PGLS: variants seen among roughly 807,000 people sequenced by gnomAD.
PGLS encodes epididymis secretory protein Li 304.
PGLS carries 21 observed loss-of-function variants against 23.2 expected under a neutral mutation model. That is an observed-to-expected ratio of 0.91 (90% CI 0.64 to 1.31). PGLS has a LOEUF of 1.31. Ranked by LOEUF, PGLS falls within the 50% of genes most tolerant of loss-of-function variation. PGLS has a pLI of 0.00. For missense variants in PGLS, 410 were observed against 354.0 expected (o/e 1.16, Z -1.27); for synonymous variants, 179 against 165.4 (o/e 1.08, Z -0.63).
chr19:17,520,731 A>T (rs1254968542), intron 4 of PGLS, among the ~76,000 whole-genome samples: 1 of 152,028 alleles, frequency 6.6e-6, no homozygotes, highest in Non-Finnish European at 1.5e-5. Context: ...ACTCCATCTC[A>T]AAATAAATAA....
At chr19:17,512,624 T>G (rs976365128) in intron 1 of PGLS, 3 of 152,246 alleles carry the variant, frequency 2.0e-5, no homozygotes, top group Non-Finnish European at 2.9e-5. Flanking sequence ...TGTTCATCTT[T>G]GGCTTTGAGC....
At position 17,516,196 on chromosome 19, in the gene PGLS, G is replaced by C. The variant is rs762776860; in HGVS notation, c.312G>C (p.Pro104=). ...AGACGCATCTTCTCTCCAGACTGCC[G>C]ATCCCAGAAAGCCAGGTGATCACCA... ...LYRTHLLSRL[P]IPESQVITIN... The change falls in exon 2 of 5, where the codon CCG becomes CCC. Residue 104 remains proline, a synonymous_variant. Coordinates refer to ENST00000252603, the MANE Select transcript of PGLS (RefSeq NM_012088.3). 6.2e-7 allele frequency: 1 copy of C among 1,613,964 alleles called. No homozygotes were observed. The highest frequency in any genetic ancestry group is 1.7e-4 in the Middle Eastern group (1 of 6,060).
chr19:17,519,299 A>G (rs1023007978), intron 4 of PGLS, among the ~76,000 whole-genome samples: 2 of 139,046 alleles, frequency 1.4e-5, no homozygotes, highest in African/African-American at 5.7e-5. Context: ...GGGCGACAAG[A>G]ACGAAACTCA....
intron 1 of PGLS, chr19:17,512,345 C>T: frequency 3.8e-6 from 1 of 265,000 alleles, no homozygotes; most frequent in Non-Finnish European, 7.3e-6. Context: ...GCGCCCTCTG[C>T]CTTTATCTAG....
In PGLS at chr19:17,511,768, C is replaced by A; in HGVS notation, c.96C>A (p.Cys32Ter). The A allele has an allele frequency of 6.7e-7, 1 of 1,498,738 alleles. No individual in the cohort carries two copies. Among genetic ancestry groups the A allele is most frequent in the South Asian group, 1.2e-5 (1 of 80,168 alleles). The allele number at this position is 1,498,738 out of a possible 1,614,324, so 92.8% of individuals were successfully genotyped here. A position where few individuals can be genotyped will look rare whatever the true frequency, so the allele number is the denominator to read the frequency against. The change falls in exon 1 of 5, where the codon TGC becomes TGA. Residue 32 changes from cysteine to a stop codon, truncating the protein, a stop_gained. Coordinates refer to ENST00000252603, the MANE Select transcript of PGLS (RefSeq NM_012088.3). LOFTEE classifies it high-confidence loss of function. ...LAQLVAQRAA[C>*]CLAGARARFA... is the part of the protein sequence containing the mutation. ...AGCTGGTGGCCCAGCGCGCAGCATG[C>A]TGCCTGGCAGGGGCCCGCGCCCGTT...
At chr19:17,518,454 A>G (rs894171473) in intron 4 of PGLS, 6 of 152,184 alleles carry the variant, frequency 3.9e-5, no homozygotes, top group African/African-American at 1.4e-4. Flanking sequence ...AATAATTAAA[A>G]AGGTTTTAGT....
At position 17,520,985 on chromosome 19, in the gene PGLS, C is replaced by G. The variant is rs566471033; in HGVS notation, c.681C>G (p.Ala227=). Residue 227 remains alanine (A), a synonymous_variant, in exon 5 of 5, where the codon GCC becomes GCG. Transcript: ENST00000252603. ...EDQEENPLPA[A]LVQPHTGKLC... ...AGGAGGAAAACCCGCTGCCCGCCGC[C>G]CTGGTCCAGCCCCACACCGGGAAAC... 474 of 1,599,372 alleles carry G rather than the reference C, an allele frequency of 3.0e-4. 5 individuals carry two copies. In the South Asian group the frequency reaches 5.0e-3, roughly 17 times the overall value.
Position 17,517,361 on chromosome 19 carries a change from C to A in PGLS, c.470C>A (p.Ser157Ter), listed in dbSNP as rs1249454396. The A allele has an allele frequency of 6.2e-7, 1 of 1,613,748 alleles. No homozygotes were observed. Among genetic ancestry groups the A allele is most frequent in the Non-Finnish European group, 8.5e-7 (1 of 1,179,798 alleles). Residue 157 changes from serine (S) to a stop codon, truncating the protein, a stop_gained, in exon 3 of 5, where the codon TCA (serine) becomes TAA (stop). Coordinates refer to ENST00000252603, the MANE Select transcript of PGLS (RefSeq NM_012088.3). LOFTEE classifies it high-confidence loss of function. ...LGVGPDGHTC[S>*]LFPDHPLLQE... ...GTGGGCCCCGATGGTCACACCTGCTCACTCTTCCCAGACCACCCCCTCCTA... is the reference window on the plus strand; with the variant it reads ...GTGGGCCCCGATGGTCACACCTGCTAACTCTTCCCAGACCACCCCCTCCTA...
chr19:17,516,571 C>A, intron 2 of PGLS: 2 of 1,025,112 alleles, frequency 2.0e-6, no homozygotes, highest in Non-Finnish European at 2.4e-6. Context: ...TGCGTTACAG[C>A]TACTTGTATT....
At position 17,516,262 on chromosome 19, in the gene PGLS, C is replaced by T. The variant is rs1409513385; in HGVS notation, c.378C>T (p.Tyr126=). 8.7e-6 allele frequency: 14 copies of T among 1,613,786 alleles called. No homozygotes were observed. In the East Asian group the frequency reaches 1.3e-4, roughly 15 times the overall value. ...CTGTGGAGGAGGCGGCTGAGGACTA[C>T]GCCAAGAAGCTGAGACAGGTGAGCC... ...ELPVEEAAED[Y]AKKLRQAFQG... The change falls in exon 2 of 5, where the codon TAC becomes TAT. Residue 126 remains tyrosine, a synonymous_variant. Transcript: ENST00000252603.
Position 17,511,963 on chromosome 19 carries a change from G to A in PGLS, c.288+3G>A. 1 of 1,544,898 alleles carries A rather than the reference G, an allele frequency of 6.5e-7. No homozygotes were observed. Among genetic ancestry groups the A allele is most frequent in the South Asian group, 1.2e-5 (1 of 84,132 alleles). Reference sequence around the variant, plus strand: ...AGAGCACGTACGGCCTCTACCGGGTGAGAGCTACGGGGGCCGCCGGGGATC... The same window carrying A: ...AGAGCACGTACGGCCTCTACCGGGTAAGAGCTACGGGGGCCGCCGGGGATC... On this transcript the variant is annotated splice_donor_region_variant and intron_variant, in intron 1 of 4. Transcript: ENST00000252603.
At chr19:17,520,889 G>A (rs1332790308) in intron 4 of PGLS, 55 bp from the exon 5 acceptor site, 57 of 1,491,304 alleles carry the variant, frequency 3.8e-5, no homozygotes, top group Non-Finnish European at 4.9e-5. Context: ...GGAGAGTGCC[G>A]AGGGGCGGTG....
chr19:17,520,980 G>GC lies in PGLS; in HGVS notation c.678dup (p.Ala227ArgfsTer?). ...GGACCAGGAGGAAAACCCGCTGCCC[G>GC]CCGCCCTGGTCCAGCCCCACACCGG... is the stretch of plus-strand genomic sequence containing the variant. On this transcript the variant is annotated frameshift_variant, in exon 5 of 5. Coordinates refer to ENST00000252603, the MANE Select transcript of PGLS (RefSeq NM_012088.3). LOFTEE classifies it high-confidence loss of function. The GC allele has an allele frequency of 6.3e-7, 1 of 1,598,004 alleles. No individual in the cohort carries two copies. Among genetic ancestry groups the GC allele is most frequent in the Non-Finnish European group, 8.5e-7 (1 of 1,171,718 alleles).
rs961389628 is a variant in PGLS at position 17,521,180 on chromosome 19, G to A, written c.*99G>A. ...CCGGGCTCTCCTTTCAAAAAGCCACGTCGTGCTGCTGCTGGAAGCCAACAG... is the reference window on the plus strand; with the variant it reads ...CCGGGCTCTCCTTTCAAAAAGCCACATCGTGCTGCTGCTGGAAGCCAACAG... On this transcript the variant is annotated 3_prime_UTR_variant, in exon 5 of 5. Coordinates refer to ENST00000252603, the MANE Select transcript of PGLS (RefSeq NM_012088.3). 7.8e-7 allele frequency: 1 copy of A among 1,274,338 alleles called. No individual in the cohort carries two copies. Among genetic ancestry groups the A allele is most frequent in the African/African-American group, 1.5e-5 (1 of 65,516 alleles). 78.9% of individuals were successfully genotyped at this position (1,274,338 alleles called of 1,614,324 possible). A position where few individuals can be genotyped will look rare whatever the true frequency, so the allele number is the denominator to read the frequency against.
At chr19:17,520,454 G>A (rs891284650) in intron 4 of PGLS, 2 of 149,364 alleles carry the variant, frequency 1.3e-5, no homozygotes, top group African/African-American at 2.5e-5. Flanking sequence ...GCCGAGGCAG[G>A]AGAATTGCTT....
rs956029476 is a variant in PGLS at position 17,521,212 on chromosome 19, G to A, written c.*131G>A. On this transcript the variant is annotated 3_prime_UTR_variant, in exon 5 of 5. Coordinates refer to ENST00000252603, the MANE Select transcript of PGLS (RefSeq NM_012088.3). ...TGCTGCTGGAAGCCAACAGCCTCCG[G>A]CCAGCAGCCCTACCCGGGGCTCAAC... 5.4e-6 allele frequency: 5 copies of A among 925,332 alleles called. No individual in the cohort carries two copies. The highest frequency in any genetic ancestry group is 7.9e-6 in the Non-Finnish European group (5 of 632,322). The allele number at this position is 925,332 out of a possible 1,614,324, so 57.3% of individuals were successfully genotyped here.
At chr19:17,519,314 C>CAA (rs58361133) in intron 4 of PGLS, among the ~76,000 whole-genome samples, 8,537 of 137,546 alleles carry the variant, frequency 0.062, 873 homozygotes, top group African/African-American at 0.21. Context: ...AACTCAGTCT[C>CAA]AAAAAAAAAA....
rs1344997461 is a variant in PGLS at position 17,511,907 on chromosome 19, G to A, written c.235G>A (p.Asp79Asn). The A allele has an allele frequency of 2.6e-6, 4 of 1,544,944 alleles. No individual in the cohort carries two copies. The highest frequency in any genetic ancestry group is 3.5e-6 in the Non-Finnish European group (4 of 1,146,498). The change falls in exon 1 of 5, where the codon GAC (aspartate) becomes AAC (asparagine). Residue 79 changes from aspartate (D) to asparagine (N), a missense_variant. By Grantham distance (23) the Asp-to-Asn change is conservative. Coordinates refer to ENST00000252603, the MANE Select transcript of PGLS (RefSeq NM_012088.3). Reference protein sequence around the residue: ...SLARWTLGFCDERLVPFDHAE... With the variant: ...SLARWTLGFCNERLVPFDHAE... ...AGCGCGCTGGACGCTGGGCTTCTGC[G>A]ACGAGCGCCTCGTGCCCTTCGATCA...
chr19:17,521,223 T>C lies in PGLS; in HGVS notation c.*142T>C, dbSNP rs2075556445. 2.5e-6 allele frequency: 2 copies of C among 792,940 alleles called. No homozygotes were observed. Among genetic ancestry groups the C allele is most frequent in the Non-Finnish European group, 3.9e-6 (2 of 514,258 alleles). The allele number at this position is 792,940 out of a possible 1,614,324, so 49.1% of individuals were successfully genotyped here. On this transcript the variant is annotated 3_prime_UTR_variant, in exon 5 of 5. Coordinates refer to ENST00000252603, the MANE Select transcript of PGLS (RefSeq NM_012088.3). ...GCCAACAGCCTCCGGCCAGCAGCCC[T>C]ACCCGGGGCTCAACACACAGGCTGT... is the stretch of plus-strand genomic sequence containing the variant.
Sources: gnomAD v4.1 joint callset for allele counts (sites outside exome capture counted in the v4.1 genomes callset) on GRCh38, gnomAD v4.1.1 for gene constraint, MANE v1.5 for transcripts, NCBI Gene and HGNC (gene_info 2026-07-23, HGNC 2026-07-21) for gene names.